Variants in NCF1 observed in about 807,000 individuals in gnomAD.
The protein encoded by NCF1 is neutrophil cytosolic factor 1.
In NCF1, 8 loss-of-function variants were observed where a neutral mutation model predicts 34.9. The ratio of observed to expected loss-of-function variants is 0.23; its 90% CI spans 0.13 to 0.41. The LOEUF is 0.41. Ranked by LOEUF, NCF1 falls within the 10% of genes least tolerant of loss-of-function variation. The pLI, the probability that NCF1 is intolerant of heterozygous loss-of-function variation, is 1.00. For synonymous variants in NCF1, 57 were observed against 146.3 expected (o/e 0.39, Z 4.41); for missense variants, 122 against 362.4 (o/e 0.34, Z 5.39).
chr7:74,778,338 T>A (rs1563002381), intron 2 of NCF1: 1 of 430,022 alleles, frequency 2.3e-6, no homozygotes, highest in Non-Finnish European at 4.6e-6. Flanking sequence ...CCCAGGCTGG[T>A]CTCTAACTCC....
chr7:74,777,052 T>G (rs1796481648), intron 1 of NCF1, among the ~76,000 whole-genome samples: 1 of 145,498 alleles, frequency 6.9e-6, no homozygotes, highest in Non-Finnish European at 1.5e-5. Context: ...TGAGTCCATT[T>G]GAGAGAAGCT....
At chr7:74,787,375 G>A (rs1214116797) in intron 8 of NCF1, among the ~76,000 whole-genome samples, 1 of 152,134 alleles carries the variant, frequency 6.6e-6, no homozygotes, top group African/African-American at 2.4e-5. Context: ...GGGAAGCAGA[G>A]GTTGCAATGA....
chr7:74,787,476 A>C (rs1193991632), intron 8 of NCF1, among the ~76,000 whole-genome samples: 1 of 152,152 alleles, frequency 6.6e-6, no homozygotes, highest in African/African-American at 2.4e-5. Flanking sequence ...GGAAGAAAGC[A>C]TAGAATTTGG....
intron 8 of NCF1, among the ~76,000 whole-genome samples, chr7:74,786,590 A>G (rs1796678743): frequency 6.6e-6 from 1 of 151,978 alleles, no homozygotes; most frequent in Non-Finnish European, 1.5e-5. Flanking sequence ...GGGTCTCACT[A>G]TGGTGCCAAG....
Position 74,788,748 on chromosome 7 carries a change from G to C in NCF1, c.1051+44G>C. 3 of 1,552,464 alleles carry C rather than the reference G, an allele frequency of 1.9e-6. 1 individual carries two copies. The African/African-American group carries it at 4.1e-5, about 21-fold the overall frequency. ...GGCAGGAAGGGCAAGCCCTAGAGGC[G>C]GAGTCAGCGGGAGAGGCGGGGCCAG... On this transcript the variant is annotated intron_variant, in intron 10 of 10. Transcript: ENST00000289473.
chr7:74,782,789 A>C (rs1796595861), intron 5 of NCF1, 150 bp from the exon 6 acceptor site: 1 of 905,572 alleles, frequency 1.1e-6, no homozygotes, highest in African/African-American at 1.7e-5. Flanking sequence ...GATGAGAACA[A>C]GGACATGTTT....
At chr7:74,777,537 A>C in intron 2 of NCF1, 190 bp downstream of exon 2, 14 of 673,574 alleles carry the variant, frequency 2.1e-5, no homozygotes, top group Non-Finnish European at 3.0e-5. Context: ...TGAACACCTC[A>C]TGTTCTCTGA....
chr7:74,783,215 G>A (rs1294263686), intron 6 of NCF1, 154 bp downstream of exon 6: 1 of 1,442,118 alleles, frequency 6.9e-7, no homozygotes, highest in Non-Finnish European at 9.5e-7. Flanking sequence ...GTCGCCTTCT[G>A]TCTTAGTGTG....
At position 74,788,606 on chromosome 7, in the gene NCF1, G is replaced by T. The variant is rs1376551878; in HGVS notation, c.953G>T (p.Arg318Leu). The T allele has an allele frequency of 5.2e-6, 8 of 1,551,932 alleles. No individual in the cohort carries two copies. Among genetic ancestry groups the T allele is most frequent in the Non-Finnish European group, 6.1e-6 (7 of 1,151,340 alleles). Residue 318 changes from arginine to leucine, a missense_variant, in exon 10 of 11, where the codon CGC becomes CTC. Physicochemically the swap from Arg to Leu is moderately radical, Grantham distance 102. Coordinates refer to ENST00000289473, the MANE Select transcript of NCF1 (RefSeq NM_000265.7). ...AHSIHQRSRK[R>L]LSQDAYRRNS... is the part of the protein sequence containing the mutation. ...AGCATCCACCAGCGGTCGCGGAAGC[G>T]CCTCAGCCAGGACGCCTATCGCCGC...
rs1796718074 is a variant in NCF1 at position 74,788,654 on chromosome 7, A to G, written c.1001A>G (p.Gln334Arg). ...CGCAACAGCGTCCGTTTTCTGCAGC[A>G]GCGACGCCGCCAGGCGCGGCCGGGA... ...YRRNSVRFLQ[Q>R]RRRQARPGPQ... Residue 334 changes from glutamine (Q) to arginine (R), a missense_variant, in exon 10 of 11, where the codon CAG (glutamine) becomes CGG (arginine). Around this residue, in one of 9 missense-constraint regions of NCF1, gnomAD observed 15 missense variants for 58.8 expected, o/e 0.25. Coordinates refer to ENST00000289473, the MANE Select transcript of NCF1 (RefSeq NM_000265.7). 6.5e-7 allele frequency: 1 copy of G among 1,549,892 alleles called. No homozygotes were observed. Among genetic ancestry groups the G allele is most frequent in the Non-Finnish European group, 8.7e-7 (1 of 1,152,354 alleles).
rs138406096 is a variant in NCF1, at chr7:74,785,612, A to G, written c.800+313A>G. ...ATAATTACATTCCTAGCTAGGCGCA[A>G]TGGCTCAGGCCTGTAATCCCAGCAC... On this transcript the variant is annotated intron_variant, in intron 8 of 10. Transcript: ENST00000289473. The G allele has an allele frequency of 4.6e-3, 1,677 of 364,050 alleles. 1 individual carries two copies. The highest frequency in any genetic ancestry group is 0.033 in the African/African-American group (1,557 of 46,748). 22.6% of individuals were successfully genotyped at this position (364,050 alleles called of 1,614,324 possible). A position where few individuals can be genotyped will look rare whatever the true frequency, so the allele number is the denominator to read the frequency against.
At chr7:74,775,889 A>C (rs1373737441) in intron 1 of NCF1, among the ~76,000 whole-genome samples, 4 of 150,706 alleles carry the variant, frequency 2.7e-5, no homozygotes, top group African/African-American at 9.8e-5. Flanking sequence ...GCGCGCCACC[A>C]TGCCCAGCTC....
At position 74,785,746 on chromosome 7, in the gene NCF1, G is replaced by T. The variant is rs2465932; in HGVS notation, c.800+447G>T. 6.1e-4 allele frequency among the ~76,000 whole-genome samples: 92 copies of T among 152,016 alleles called. No homozygotes were observed. In the East Asian group the frequency reaches 0.011, roughly 18 times the overall value. The stretch of plus-strand genomic sequence containing the variant: ...AAAAACACAAACATGAGCCGGGTGT[G>T]GTGGTGGGAGCCTGTAATCCCAGCT... On this transcript the variant is annotated intron_variant, in intron 8 of 10. Transcript: ENST00000289473.
intron 8 of NCF1, among the ~76,000 whole-genome samples, chr7:74,786,165 T>G (rs1796669461): frequency 1.1e-5 from 1 of 89,636 alleles, no homozygotes; most frequent in Non-Finnish European, 2.3e-5. Flanking sequence ...ACCCCAGGAG[T>G]TGGAGGCTGC....
At position 74,788,696 on chromosome 7, in the gene NCF1, G is replaced by A; in HGVS notation, c.1043G>A (p.Ser348Asn). 6.5e-7 allele frequency: 1 copy of A among 1,550,350 alleles called. No individual in the cohort carries two copies. The highest frequency in any genetic ancestry group is 1.2e-5 in the South Asian group (1 of 85,298). ...QARPGPQSPG[S>N]PLEEERQTQR... is the part of the protein sequence containing the mutation. ...CGGCCGGGACCGCAGAGCCCCGGGA[G>A]CCCGCTCGGTGAGTGCAGCGGGAGA... The change falls in exon 10 of 11, where the codon AGC (serine) becomes AAC (asparagine). Residue 348 changes from serine to asparagine, a missense_variant. Physicochemically the swap from Ser to Asn is conservative, Grantham distance 46. Transcript: ENST00000289473.
In NCF1 at chr7:74,777,264, C is replaced by T; in HGVS notation, c.73-3C>T. The T allele has an allele frequency of 6.2e-7, 1 of 1,612,952 alleles. No individual in the cohort carries two copies. The highest frequency in any genetic ancestry group is 1.1e-5 in the South Asian group (1 of 91,048). ...GGGTCCCCCGACTCTGGCTTTCCCC[C>T]AGGTGTACATGTTCCTGGTGAAATG... On this transcript the variant is annotated splice_polypyrimidine_tract_variant and splice_region_variant and intron_variant, in intron 1 of 10. Coordinates refer to ENST00000289473, the MANE Select transcript of NCF1 (RefSeq NM_000265.7).
intron 7 of NCF1, 106 bp downstream of exon 7, chr7:74,783,738 A>G (rs1329704295): frequency 2.7e-6 from 4 of 1,501,136 alleles, no homozygotes; most frequent in Non-Finnish European, 3.6e-6. Flanking sequence ...CTGGCTTGGC[A>G]GAAAAGTCAG....
chr7:74,783,135 C>G, intron 6 of NCF1, 74 bp downstream of exon 6: 1 of 1,578,944 alleles, frequency 6.3e-7, no homozygotes, highest in Non-Finnish European at 8.6e-7. Flanking sequence ...CCTGCCAAGG[C>G]TCAGGCAGCC....
intron 8 of NCF1, among the ~76,000 whole-genome samples, chr7:74,786,625 A>C (rs1796679001): frequency 6.6e-6 from 1 of 151,936 alleles, no homozygotes; most frequent in South Asian, 2.1e-4. Context: ...CCTGGCCTCA[A>C]GAGTTCCTCC....
Sources: gnomAD v4.1 joint callset for allele counts (sites outside exome capture counted in the v4.1 genomes callset) on GRCh38, gnomAD v4.1.1 for gene constraint, gnomAD v4.1.1 regional missense constraint, MANE v1.5 for transcripts, NCBI Gene and HGNC (gene_info 2026-07-23, HGNC 2026-07-21) for gene names.